The following TTC28 variants were observed in gnomAD, a reference collection of about 807,000 sequenced individuals.
The protein encoded by TTC28 is tetratricopeptide repeat domain 28, also known as tetratricopeptide repeat protein 28.
In TTC28, 61 loss-of-function variants were observed where a neutral mutation model predicts 198.0. The observed-to-expected ratio is 0.31, with a 90% CI of 0.25 to 0.38. The LOEUF is 0.38. Among genes scored for constraint, TTC28 ranks in the 10% least tolerant of loss-of-function variants. The probability of loss-of-function intolerance (pLI) is 1.00; values close to 1 mark genes in which losing one functional copy is unlikely to be tolerated. For missense variants in TTC28, 2,678 were observed against 3,164.0 expected (o/e 0.85, Z 3.69); for synonymous variants, 1,171 against 1,297.8 (o/e 0.90, Z 2.10).
intron 12 of TTC28, among the ~76,000 whole-genome samples, chr22:28,075,207 G>A (rs1941129421): frequency 6.6e-6 from 1 of 152,140 alleles, no homozygotes; most frequent in African/African-American, 2.4e-5. Context: ...TTATCCTCTT[G>A]CTAAGCTGCT....
chr22:28,531,783 A>C (rs1450520004), intron 2 of TTC28, among the ~76,000 whole-genome samples: 1 of 152,238 alleles, frequency 6.6e-6, no homozygotes, highest in Non-Finnish European at 1.5e-5. Flanking sequence ...CTACATGGAA[A>C]CTGAACAACC....
At chr22:28,657,785 G>A (rs535978503) in intron 1 of TTC28, among the ~76,000 whole-genome samples, 3 of 152,142 alleles carry the variant, frequency 2.0e-5, no homozygotes, top group South Asian at 2.1e-4. Flanking sequence ...AGGCTGAGAC[G>A]TGAGAATCGC....
intron 2 of TTC28, among the ~76,000 whole-genome samples, chr22:28,450,072 A>G (rs1454107926): frequency 6.6e-6 from 1 of 152,188 alleles, no homozygotes; most frequent in African/African-American, 2.4e-5. Flanking sequence ...AGGTGGAGAT[A>G]TGATTACAGT....
At chr22:28,522,585 AC>A (rs780935979) in intron 2 of TTC28, among the ~76,000 whole-genome samples, 5 of 151,852 alleles carry the variant, frequency 3.3e-5, no homozygotes, top group Non-Finnish European at 5.9e-5. Flanking sequence ...CTGAAAAACA[AC>A]TACTGAAATT....
At chr22:28,611,587 C>A (rs2050820838) in intron 2 of TTC28, among the ~76,000 whole-genome samples, 1 of 147,530 alleles carries the variant, frequency 6.8e-6, no homozygotes, top group African/African-American at 2.5e-5. Flanking sequence ...ATACATGTGC[C>A]ATGCTGGTGC....
At chr22:28,371,528 A>AAAAAAAAAAAAAG in intron 2 of TTC28, among the ~76,000 whole-genome samples, 2 of 130,768 alleles carry the variant, frequency 1.5e-5, no homozygotes, top group African/African-American at 5.7e-5. Flanking sequence ...AAAAAAAAAA[A>AAAAAAAAAAAAAG]AGAGTTCAGA....
chr22:28,221,678 T>C (rs1180648324), intron 5 of TTC28, among the ~76,000 whole-genome samples: 2 of 152,154 alleles, frequency 1.3e-5, no homozygotes, highest in Non-Finnish European at 2.9e-5. Context: ...ACTTGCATGC[T>C]TCTGAGACAA....
intron 5 of TTC28, among the ~76,000 whole-genome samples, chr22:28,275,061 C>A (rs1364091636): frequency 2.1e-5 from 3 of 144,348 alleles, no homozygotes; most frequent in African/African-American, 5.1e-5. Flanking sequence ...AATGTAAATA[C>A]AATATCTTGA....
intron 2 of TTC28, among the ~76,000 whole-genome samples, chr22:28,406,930 ACC>A (rs2047006162): frequency 6.6e-6 from 1 of 152,202 alleles, no homozygotes; most frequent in Non-Finnish European, 1.5e-5. Context: ...ACTTTACTGG[ACC>A]AATTTTGGCC....
At chr22:28,383,689 T>C (rs78217913) in intron 2 of TTC28, among the ~76,000 whole-genome samples, 10,756 of 152,228 alleles carry the variant, frequency 0.071, 547 homozygotes, top group Non-Finnish European at 0.098. Context: ...CAAAAAGATA[T>C]CTAGAACGCA....
intron 5 of TTC28, among the ~76,000 whole-genome samples, chr22:28,264,764 A>G (rs777598617): frequency 1.3e-5 from 2 of 152,264 alleles, no homozygotes; most frequent in Non-Finnish European, 2.9e-5. Context: ...GGGAAAAGAG[A>G]TGAAGAACAC....
Position 28,645,192 on chromosome 22 carries a change from G to A in TTC28, c.103-15362C>T, listed in dbSNP as rs143112765. On this transcript the variant is annotated intron_variant, in intron 1 of 22. Transcript: ENST00000397906. ...TGCTGGGCAACAAGGGTGAAACTCC[G>A]TCTCAAAAAAAAATTGTAATAATAA... 3.2e-4 allele frequency among the ~76,000 whole-genome samples: 48 copies of A among 151,394 alleles called. 1 individual carries two copies. The highest frequency in any genetic ancestry group is 6.5e-4 in the African/African-American group (27 of 41,322).
intron 2 of TTC28, among the ~76,000 whole-genome samples, chr22:28,586,618 G>A (rs1345384050): frequency 6.6e-6 from 1 of 152,044 alleles, no homozygotes; most frequent in Non-Finnish European, 1.5e-5. Context: ...GGATGAAAAG[G>A]AAAAGGAAAG....
chr22:28,441,737 AAG>A (rs1336910399), intron 2 of TTC28, among the ~76,000 whole-genome samples: 1 of 152,168 alleles, frequency 6.6e-6, no homozygotes, highest in Non-Finnish European at 1.5e-5. Context: ...CCACAAAGAA[AAG>A]AGTCAGTTTA....
chr22:28,358,293 G>T (rs889584868), intron 2 of TTC28, among the ~76,000 whole-genome samples: 2 of 152,158 alleles, frequency 1.3e-5, no homozygotes, highest in Non-Finnish European at 2.9e-5. Context: ...CTGAATGTTA[G>T]ATCCAAATAG....
chr22:27,990,777 A>G lies in TTC28; in HGVS notation c.5577+12T>C, dbSNP rs1381569876. On this transcript the variant is annotated intron_variant, in intron 20 of 22. Coordinates refer to ENST00000397906, the MANE Select transcript of TTC28 (RefSeq NM_001145418.2). ...TCACCTGACAACAGTTGCTACTTAA[A>G]GTAGTACTCACCATTCCAACCATAT... 2 of 1,550,418 alleles carry G rather than the reference A, an allele frequency of 1.3e-6. No individual in the cohort carries two copies. The highest frequency in any genetic ancestry group is 8.7e-7 in the Non-Finnish European group (1 of 1,146,806).
chr22:28,257,741 T>TATAC (rs1251526481), intron 5 of TTC28, among the ~76,000 whole-genome samples: 4 of 14,072 alleles, frequency 2.8e-4, no homozygotes, highest in African/African-American at 6.8e-4. Context: ...TAATAGAACA[T>TATAC]ATATATATAT....
At position 27,983,686 on chromosome 22, in the gene TTC28, C is replaced by T; in HGVS notation, c.5981G>A (p.Ser1994Asn). 1 of 1,549,382 alleles carries T rather than the reference C, an allele frequency of 6.5e-7. No individual in the cohort carries two copies. The highest frequency in any genetic ancestry group is 1.4e-5 in the African/African-American group (1 of 73,068). ...SIASDAISVY[S>N]LSSIASSMSF... ...CATTGAGGAGGCAATGGAGCTCAGA[C>T]TGTACACAGAGATGGCATCTGAGGC... is the stretch of plus-strand genomic sequence containing the variant. The change falls in exon 23 of 23, where the codon AGT becomes AAT. Residue 1994 changes from serine (S) to asparagine (N), a missense_variant. Transcript: ENST00000397906.
At chr22:28,335,108 G>C (rs1053289028) in intron 2 of TTC28, among the ~76,000 whole-genome samples, 5 of 152,190 alleles carry the variant, frequency 3.3e-5, no homozygotes, top group Admixed American at 6.5e-5. Context: ...TTATTAAATA[G>C]GGAATCCTTT....
Sources: gnomAD v4.1 joint callset for allele counts (sites outside exome capture counted in the v4.1 genomes callset) on GRCh38, gnomAD v4.1.1 for gene constraint, MANE v1.5 for transcripts, NCBI Gene and HGNC (gene_info 2026-07-23, HGNC 2026-07-21) for gene names.